Variants in BTAF1 observed in about 807,000 individuals in gnomAD.
BTAF1 encodes the protein B-TFIID TATA-box binding protein associated factor 1.
A neutral mutation model predicts 227.1 loss-of-function variants in BTAF1; 38 were observed. The ratio of observed to expected loss-of-function variants is 0.17; its 90% CI spans 0.13 to 0.22. The LOEUF is 0.22. Among genes scored for constraint, BTAF1 ranks in the 10% least tolerant of loss-of-function variants. The pLI is 1.00. For missense variants in BTAF1, 1,598 were observed against 2,204.0 expected (o/e 0.73, Z 5.51); for synonymous variants, 742 against 751.9 (o/e 0.99, Z 0.21).
intron 25 of BTAF1, among the ~76,000 whole-genome samples, chr10:91,999,686 C>T (rs1849380547): frequency 6.6e-6 from 1 of 152,192 alleles, no homozygotes; most frequent in Non-Finnish European, 1.5e-5. Context: ...AGCCACCACA[C>T]CTGGCGAAGA....
intron 20 of BTAF1, 86 bp from the exon 21 acceptor site, chr10:91,992,033 A>G (rs1564700970): frequency 1.3e-5 from 15 of 1,164,260 alleles, no homozygotes; most frequent in Admixed American, 2.7e-5. Flanking sequence ...GACATAGTTT[A>G]AAAATGTTTT....
rs1431995303 is a variant in BTAF1 at position 91,975,026 on chromosome 10, A to T, written c.1651-5428A>T. ...TACGTGCTAGAGTACACCTATTAAT[A>T]TATATATCTATCAGTGAACTACTGA... On this transcript the variant is annotated intron_variant, in intron 14 of 37. Coordinates refer to ENST00000265990, the MANE Select transcript of BTAF1 (RefSeq NM_003972.3). Among the ~76,000 whole-genome samples, 3 of 152,162 alleles carry T rather than the reference A, an allele frequency of 2.0e-5. No individual in the cohort carries two copies. The East Asian group carries it at 5.8e-4, about 29-fold the overall frequency.
chr10:91,981,002 A>G (rs1385182470), intron 15 of BTAF1, among the ~76,000 whole-genome samples: 1 of 152,094 alleles, frequency 6.6e-6, no homozygotes. Flanking sequence ...GAGCCGTTTG[A>G]TATATTTAAT....
chr10:92,024,981 A>G lies in BTAF1; in HGVS notation c.5075+14A>G. The G allele has an allele frequency of 6.2e-7, 1 of 1,602,632 alleles. No individual in the cohort carries two copies. Among genetic ancestry groups the G allele is most frequent in the Non-Finnish European group, 8.5e-7 (1 of 1,170,418 alleles). ...CATTGTTTCCCGGTAAGTGGCTTCTAAGACTCTTATTCATAAATAAATATA... is the reference window on the plus strand; with the variant it reads ...CATTGTTTCCCGGTAAGTGGCTTCTGAGACTCTTATTCATAAATAAATATA... On this transcript the variant is annotated intron_variant, in intron 35 of 37. Coordinates refer to ENST00000265990, the MANE Select transcript of BTAF1 (RefSeq NM_003972.3).
intron 18 of BTAF1, 62 bp from the exon 19 acceptor site, chr10:91,984,139 T>C: frequency 6.9e-7 from 1 of 1,449,256 alleles, no homozygotes; most frequent in Non-Finnish European, 9.5e-7. Context: ...CAAATGACGA[T>C]TTCTGTATCT....
At chr10:91,998,675 G>A (rs1030947792) in intron 25 of BTAF1, among the ~76,000 whole-genome samples, 11 of 152,152 alleles carry the variant, frequency 7.2e-5, no homozygotes, top group African/African-American at 1.7e-4. Context: ...TTGCTGAATT[G>A]TATTCCATTG....
At position 92,031,400 on chromosome 10, in the gene BTAF1, AACTT is replaced by A. The variant is rs528557252; in HGVS notation, c.*2473_*2476del. On this transcript the variant is annotated 3_prime_UTR_variant, in exon 38 of 38. Transcript: ENST00000265990. Reference sequence around the variant, plus strand: ...TTATTCCTTCTGGATGGTTTATATGAACTTACTTATTCAAAAGTAAATATTCCAC... The same window carrying A: ...TTATTCCTTCTGGATGGTTTATATGAACTTATTCAAAAGTAAATATTCCAC... Among the ~76,000 whole-genome samples the A allele has an allele frequency of 3.1e-4, 47 of 152,348 alleles. No homozygotes were observed. The highest frequency in any genetic ancestry group is 2.2e-3 in the Admixed American group (34 of 15,300).
At chr10:92,015,599 A>G (rs2134139096) in intron 32 of BTAF1, among the ~76,000 whole-genome samples, 1 of 151,760 alleles carries the variant, frequency 6.6e-6, no homozygotes, top group Admixed American at 6.5e-5. Flanking sequence ...AAGTAGGTAC[A>G]ATAAGGAAAA....
intron 14 of BTAF1, 78 bp downstream of exon 14, chr10:91,966,835 C>G (rs1049103844): frequency 1.7e-5 from 23 of 1,368,506 alleles, no homozygotes; most frequent in Non-Finnish European, 2.2e-5. Context: ...TTAGCTTACC[C>G]TTGCTGTATA....
At chr10:92,028,089 ATCATG>A (rs1851649092) in intron 37 of BTAF1, among the ~76,000 whole-genome samples, 1 of 152,206 alleles carries the variant, frequency 6.6e-6, no homozygotes, top group African/African-American at 2.4e-5. Flanking sequence ...AGGTTCTTCA[ATCATG>A]TCATATTGAA....
chr10:91,999,235 CTG>C lies in BTAF1; in HGVS notation c.3660+1486_3660+1487del, dbSNP rs1334420294. On this transcript the variant is annotated intron_variant, in intron 25 of 37. Transcript: ENST00000265990. ...ACTGCCTTATTGTTTTCCAAAGTAA[CTG>C]TATCATTTGACATTCCTACCAGCAA... 7.9e-5 allele frequency among the ~76,000 whole-genome samples: 12 copies of C among 151,624 alleles called. No individual in the cohort carries two copies. In the East Asian group the frequency reaches 1.4e-3, roughly 17 times the overall value.
chr10:92,027,701 C>G (rs925048445), intron 37 of BTAF1, among the ~76,000 whole-genome samples: 1 of 152,066 alleles, frequency 6.6e-6, no homozygotes, highest in Non-Finnish European at 1.5e-5. Flanking sequence ...TGTAAGCAGT[C>G]AGAAAGGATA....
Position 91,964,558 on chromosome 10 carries a change from G to A in BTAF1, c.1529+357G>A, listed in dbSNP as rs74320943. Among the ~76,000 whole-genome samples, 1,060 of 152,006 alleles carry A rather than the reference G, an allele frequency of 7.0e-3. 12 individuals are homozygous for A. The highest frequency in any genetic ancestry group is 0.024 in the African/African-American group (998 of 41,476). ...ACATTTAGTTAACAGAATTATCATC[G>A]AACATCAGCTTTAAATTTTCTAAAA... is the stretch of plus-strand genomic sequence containing the variant. On this transcript the variant is annotated intron_variant, in intron 13 of 37. Coordinates refer to ENST00000265990, the MANE Select transcript of BTAF1 (RefSeq NM_003972.3).
intron 25 of BTAF1, among the ~76,000 whole-genome samples, chr10:92,005,371 T>C (rs968368635): frequency 1.3e-5 from 2 of 152,232 alleles, no homozygotes; most frequent in Non-Finnish European, 2.9e-5. Context: ...CTCTGCAATT[T>C]AGGGATTGCA....
At chr10:91,936,835 A>G (rs1844645130) in intron 2 of BTAF1, among the ~76,000 whole-genome samples, 1 of 152,130 alleles carries the variant, frequency 6.6e-6, no homozygotes, top group Admixed American at 6.5e-5. Flanking sequence ...TCTGTGCTGA[A>G]CTGAGAAAAG....
At chr10:91,957,690 G>T (rs1178130735) in intron 8 of BTAF1, among the ~76,000 whole-genome samples, 1 of 152,196 alleles carries the variant, frequency 6.6e-6, no homozygotes, top group Middle Eastern at 3.2e-3. Context: ...TAGAAGAGAA[G>T]AGTGAAGTTC....
At chr10:91,990,423 A>G (rs1312759389) in intron 20 of BTAF1, among the ~76,000 whole-genome samples, 3 of 150,748 alleles carry the variant, frequency 2.0e-5, no homozygotes, top group East Asian at 1.9e-4. Flanking sequence ...ATTCATGGTG[A>G]CTCTGCTTTT....
Position 91,959,814 on chromosome 10 carries a change from A to G in BTAF1, c.1020A>G (p.Glu340=), listed in dbSNP as rs2133893516. 4.4e-6 allele frequency: 7 copies of G among 1,602,618 alleles called. No homozygotes were observed. The highest frequency in any genetic ancestry group is 6.0e-6 in the Non-Finnish European group (7 of 1,175,576). ...TTCAGCAGCATCAAGAGTGGTTGGAAGACTTGGTTATTAGACTCCTTTGTG... is the reference window on the plus strand; with the variant it reads ...TTCAGCAGCATCAAGAGTGGTTGGAGGACTTGGTTATTAGACTCCTTTGTG... ...EMIQQHQEWL[E]DLVIRLLCVF... is the part of the protein sequence containing the mutation. The change falls in exon 10 of 38, where the codon GAA becomes GAG. Residue 340 remains glutamate, a synonymous_variant. Coordinates refer to ENST00000265990, the MANE Select transcript of BTAF1 (RefSeq NM_003972.3).
rs992826231 is a variant in BTAF1, at chr10:91,984,295, G to A, written c.2318G>A (p.Arg773Gln). The A allele has an allele frequency of 3.1e-6, 5 of 1,613,512 alleles. No homozygotes were observed. The highest frequency in any genetic ancestry group is 2.2e-5 in the East Asian group (1 of 44,840). The part of the protein sequence containing the change: ...YYDEIAVPFT[R>Q]MQNECKQLIS... ...GACGAAATTGCCGTTCCATTCACAC[G>A]AATGCAGAATGAATGTAAACAACTT... The change falls in exon 19 of 38, where the codon CGA becomes CAA. Residue 773 changes from arginine (R) to glutamine (Q), a missense_variant. Arg to Gln is a conservative substitution (Grantham distance 43). Coordinates refer to ENST00000265990, the MANE Select transcript of BTAF1 (RefSeq NM_003972.3).
Sources: gnomAD v4.1 joint callset for allele counts (sites outside exome capture counted in the v4.1 genomes callset) on GRCh38, gnomAD v4.1.1 for gene constraint, MANE v1.5 for transcripts, NCBI Gene and HGNC (gene_info 2026-07-23, HGNC 2026-07-21) for gene names.